The following FBN2 variants were observed in gnomAD, a reference collection of about 807,000 sequenced individuals.
FBN2 encodes fibrillin 2, also known as fibrillin-2.
Under a neutral mutation model 355.6 loss-of-function variants are expected in FBN2, and 105 were observed. The observed-to-expected ratio is 0.30, with a 90% CI of 0.25 to 0.35. The LOEUF is 0.35. Among genes scored for constraint, FBN2 ranks in the 10% least tolerant of loss-of-function variants. FBN2 has a pLI of 1.00. For missense variants in FBN2, 3,280 were observed against 3,758.7 expected, an observed-to-expected ratio of 0.87 and a Z score of 3.33; for synonymous variants, 1,350 against 1,301.2, an observed-to-expected ratio of 1.04 and a Z score of -0.81.
In FBN2 at chr5:128,330,553, A is replaced by C. The variant is rs765495941; in HGVS notation, c.4345+20T>G. ...TTCTATGACCATCCCGTCAGAGCAC[A>C]CCTCAGGACTGTCACCCACCTGAGC... On this transcript the variant is annotated intron_variant, in intron 33 of 64. Coordinates refer to ENST00000262464, the MANE Select transcript of FBN2 (RefSeq NM_001999.4). The C allele has an allele frequency of 3.1e-6, 5 of 1,613,770 alleles. No homozygotes were observed. In the East Asian group the frequency reaches 1.1e-4, roughly 36 times the overall value.
intron 8 of FBN2, among the ~76,000 whole-genome samples, chr5:128,407,973 A>G (rs538787279): frequency 6.6e-6 from 1 of 152,312 alleles, no homozygotes; most frequent in East Asian, 1.9e-4. Flanking sequence ...CACTACATGA[A>G]TCTTTAGTGC....
intron 25 of FBN2, among the ~76,000 whole-genome samples, chr5:128,340,927 C>T (rs561484594): frequency 8.2e-4 from 125 of 152,148 alleles, no homozygotes; most frequent in African/African-American, 2.9e-3. Flanking sequence ...GAAATGCTAG[C>T]TTTAAAGATA....
intron 39 of FBN2, among the ~76,000 whole-genome samples, chr5:128,310,773 A>T (rs1415563380): frequency 6.6e-6 from 1 of 152,170 alleles, no homozygotes; most frequent in African/African-American, 2.4e-5. Context: ...GGCTGTAATG[A>T]TGAGTAAGAT....
At chr5:128,422,384 C>G (rs1383398992) in intron 7 of FBN2, among the ~76,000 whole-genome samples, 1 of 152,100 alleles carries the variant, frequency 6.6e-6, no homozygotes, top group East Asian at 1.9e-4. Context: ...CTTGAGATAA[C>G]TGGTATACAC....
At chr5:128,439,355 G>A (rs1404867906) in intron 7 of FBN2, among the ~76,000 whole-genome samples, 1 of 151,984 alleles carries the variant, frequency 6.6e-6, no homozygotes, top group East Asian at 1.9e-4. Flanking sequence ...CTCTTATCAG[G>A]AATTTGTGAG....
In FBN2 at chr5:128,364,649, A is replaced by G; in HGVS notation, c.2379T>C (p.Cys793=). ...CTGGTTCATAGCCACTGTTGCAATTACAACGGTAACTACCACGTAAGTTTT... is the reference window on the plus strand; with the variant it reads ...CTGGTTCATAGCCACTGTTGCAATTGCAACGGTAACTACCACGTAAGTTTT... ...ICENLRGSYR[C]NCNSGYEPDA... is the part of the protein sequence containing the mutation. Residue 793 remains cysteine, a synonymous_variant, in exon 18 of 65, where the codon TGT becomes TGC. Transcript: ENST00000262464. 2 of 1,613,398 alleles carry G rather than the reference A, an allele frequency of 1.2e-6. No homozygotes were observed. Among genetic ancestry groups the G allele is most frequent in the Non-Finnish European group, 1.7e-6 (2 of 1,179,372 alleles).
intron 7 of FBN2, among the ~76,000 whole-genome samples, chr5:128,427,694 A>G (rs1049668701): frequency 1.3e-5 from 2 of 152,184 alleles, no homozygotes; most frequent in East Asian, 3.8e-4. Context: ...ACCAATGTAT[A>G]AGCTCCATGT....
At chr5:128,278,581 A>T in intron 57 of FBN2, 54 bp downstream of exon 57, 1 of 1,516,162 alleles carries the variant, frequency 6.6e-7, no homozygotes, top group South Asian at 1.1e-5. Flanking sequence ...CATTTATCTG[A>T]ATTCATAAAA....
chr5:128,449,609 A>G lies in FBN2; in HGVS notation c.827-3003T>C, dbSNP rs555325546. On this transcript the variant is annotated intron_variant, in intron 6 of 64. Coordinates refer to ENST00000262464, the MANE Select transcript of FBN2 (RefSeq NM_001999.4). ...AAACTGCAATACAAGAATATACACTATTAATCTAAGAGTCAGGCAAAGAGA... is the reference window on the plus strand; with the variant it reads ...AAACTGCAATACAAGAATATACACTGTTAATCTAAGAGTCAGGCAAAGAGA... Among the ~76,000 whole-genome samples the G allele has an allele frequency of 3.3e-5, 5 of 151,670 alleles. No homozygotes were observed. The South Asian group carries it at 1.0e-3, about 31-fold the overall frequency.
At chr5:128,462,675 A>AT (rs1325935942) in intron 6 of FBN2, among the ~76,000 whole-genome samples, 6 of 152,284 alleles carry the variant, frequency 3.9e-5, no homozygotes, top group Admixed American at 1.3e-4. Context: ...CAGATGACAC[A>AT]TTTTTTATAA....
chr5:128,271,935 T>C, intron 62 of FBN2, 64 bp downstream of exon 62: 1 of 1,593,140 alleles, frequency 6.3e-7, no homozygotes, highest in Non-Finnish European at 8.6e-7. Flanking sequence ...CACAATTTGT[T>C]CATCTTATTC....
intron 28 of FBN2, 21 bp downstream of exon 28, chr5:128,335,967 G>A: frequency 3.7e-6 from 6 of 1,613,288 alleles, no homozygotes; most frequent in Non-Finnish European, 5.1e-6. Context: ...TGAGTTTCAG[G>A]CCTGCTTGGT....
chr5:128,523,516 A>C (rs1342917410), intron 4 of FBN2, among the ~76,000 whole-genome samples: 3 of 152,154 alleles, frequency 2.0e-5, no homozygotes, highest in Non-Finnish European at 4.4e-5. Context: ...TATCTATATA[A>C]TAATTCGGTC....
intron 8 of FBN2, among the ~76,000 whole-genome samples, chr5:128,402,915 G>A (rs1454231329): frequency 6.6e-6 from 1 of 152,192 alleles, no homozygotes; most frequent in Non-Finnish European, 1.5e-5. Flanking sequence ...GAACCACTGT[G>A]GATCCCAGGT....
chr5:128,450,673 A>G (rs1326326433), intron 6 of FBN2, among the ~76,000 whole-genome samples: 1 of 152,086 alleles, frequency 6.6e-6, no homozygotes, highest in Non-Finnish European at 1.5e-5. Flanking sequence ...AAATGGAATC[A>G]ATAAAATAAT....
At chr5:128,297,146 T>A (rs1749545707) in intron 48 of FBN2, among the ~76,000 whole-genome samples, 1 of 152,088 alleles carries the variant, frequency 6.6e-6, no homozygotes, top group Non-Finnish European at 1.5e-5. Context: ...AGTTGAGCGG[T>A]TTTGAGTGAG....
At chr5:128,368,416 G>GTGTGTGTATATATA (rs1554064119) in intron 16 of FBN2, among the ~76,000 whole-genome samples, 1 of 106,870 alleles carries the variant, frequency 9.4e-6, no homozygotes, top group Non-Finnish European at 2.1e-5. Flanking sequence ...ATGTGTGTGT[G>GTGTGTGTATATATA]TGTGTATATA....
In FBN2 at chr5:128,338,469, T is replaced by C. The variant is rs148997568; in HGVS notation, c.3473-347A>G. ...CGCTAATCAGGGTGAAGGAGAATCT[T>C]AGACTTATAACCTACTATATCCTAT... is the stretch of plus-strand genomic sequence containing the variant. On this transcript the variant is annotated intron_variant, in intron 26 of 64. Transcript: ENST00000262464. Among the ~76,000 whole-genome samples the C allele has an allele frequency of 9.7e-4, 148 of 152,318 alleles. 1 individual carries two copies. Among genetic ancestry groups the C allele is most frequent in the African/African-American group, 3.0e-3 (123 of 41,566 alleles).
At position 128,357,336 on chromosome 5, in the gene FBN2, A is replaced by T; in HGVS notation, c.2614T>A (p.Ser872Thr). Residue 872 changes from serine to threonine, a missense_variant, in exon 20 of 65, where the codon TCT (serine) becomes ACT (threonine). Coordinates refer to ENST00000262464, the MANE Select transcript of FBN2 (RefSeq NM_001999.4). ...CCGGGCGAACATTCACAATTGAAAG[A>T]TCCAAGGTTGTTTCTGCAGGCCCCA... is the stretch of plus-strand genomic sequence containing the variant. ...VNGACRNNLG[S>T]FNCECSPGSK... 1 of 1,613,984 alleles carries T rather than the reference A, an allele frequency of 6.2e-7. No individual in the cohort carries two copies. The highest frequency in any genetic ancestry group is 8.5e-7 in the Non-Finnish European group (1 of 1,179,886).
Sources: allele counts gnomAD v4.1 joint callset (sites outside exome capture counted in the v4.1 genomes callset), GRCh38; gene constraint gnomAD v4.1.1; transcripts MANE v1.5; gene names NCBI Gene and HGNC (gene_info 2026-07-23, HGNC 2026-07-21).